The following FBXO40 variants were observed in gnomAD, a reference collection of about 807,000 sequenced individuals.
The protein encoded by FBXO40 is F-box protein 40.
FBXO40 carries 50 observed loss-of-function variants against 49.9 expected under a neutral mutation model. The observed-to-expected ratio is 1.00, with a 90% CI of 0.80 to 1.27. The LOEUF is 1.27. Ranked by LOEUF, FBXO40 falls within the 50% of genes most tolerant of loss-of-function variation. The probability of loss-of-function intolerance (pLI) is 0.00; values close to 1 mark genes in which losing one functional copy is unlikely to be tolerated. For synonymous variants in FBXO40, 340 were observed against 320.2 expected, an observed-to-expected ratio of 1.06 and a Z score of -0.66; for missense variants, 895 against 870.1, an observed-to-expected ratio of 1.03 and a Z score of -0.36.
At chr3:121,614,908 A>C (rs2048988496) in intron 1 of FBXO40, among the ~76,000 whole-genome samples, 1 of 152,238 alleles carries the variant, frequency 6.6e-6, no homozygotes, top group Admixed American at 6.5e-5. Context: ...CTCACAGGAA[A>C]GGATTTGAGG....
Position 121,622,554 on chromosome 3 carries a change from C to G in FBXO40, c.1125C>G (p.His375Gln). ...TGTTGAGTTGTAAGCCAAGTGAACACAAGGCAGTGGATACTTCAGATTTGG... is the reference window on the plus strand; with the variant it reads ...TGTTGAGTTGTAAGCCAAGTGAACAGAAGGCAGTGGATACTTCAGATTTGG... The part of the protein sequence containing the change: ...DAMLSCKPSE[H>Q]KAVDTSDLGI... The change falls in exon 3 of 4, where the codon CAC becomes CAG. Residue 375 changes from histidine (H) to glutamine (Q), a missense_variant. Coordinates refer to ENST00000338040, the MANE Select transcript of FBXO40 (RefSeq NM_016298.4). 1 of 1,614,182 alleles carries G rather than the reference C, an allele frequency of 6.2e-7. No individual in the cohort carries two copies. The highest frequency in any genetic ancestry group is 8.5e-7 in the Non-Finnish European group (1 of 1,180,036).
chr3:121,611,492 G>A (rs2048965261), intron 1 of FBXO40, among the ~76,000 whole-genome samples: 1 of 152,188 alleles, frequency 6.6e-6, no homozygotes, highest in South Asian at 2.1e-4. Flanking sequence ...TAACAAGGCA[G>A]CATTGCTGTA....
rs1288467469 is a variant in FBXO40 at position 121,622,604 on chromosome 3, A to G, written c.1175A>G (p.Lys392Arg). 6.2e-7 allele frequency: 1 copy of G among 1,614,200 alleles called. No homozygotes were observed. The highest frequency in any genetic ancestry group is 1.3e-5 in the African/African-American group (1 of 75,048). ...DLGITVEDLPKSDLIKTTLQC... is the reference protein window; with the variant it reads ...DLGITVEDLPRSDLIKTTLQC... ...GGGATCACTGTGGAGGACCTGCCCA[A>G]ATCAGATCTCATCAAGACCACCCTC... is the stretch of plus-strand genomic sequence containing the variant. Residue 392 changes from lysine (K) to arginine (R), a missense_variant, in exon 3 of 4, where the codon AAA becomes AGA. Coordinates refer to ENST00000338040, the MANE Select transcript of FBXO40 (RefSeq NM_016298.4).
intron 1 of FBXO40, among the ~76,000 whole-genome samples, chr3:121,615,221 AGT>A (rs1489576856): frequency 1.1e-4 from 17 of 149,230 alleles, no homozygotes; most frequent in South Asian, 4.2e-4. Context: ...AAAAAAAAAA[AGT>A]AGCACATTTG....
chr3:121,607,300 C>CTTTTTTTTT (rs555162944), intron 1 of FBXO40, among the ~76,000 whole-genome samples: 891 of 60,176 alleles, frequency 0.015, 43 homozygotes, highest in Middle Eastern at 0.056. Context: ...CTCTAAAGCT[C>CTTTTTTTTT]TTTTTTTTTT....
chr3:121,618,401 T>G (rs1288832972), intron 1 of FBXO40, among the ~76,000 whole-genome samples: 1 of 149,364 alleles, frequency 6.7e-6, no homozygotes, highest in African/African-American at 2.5e-5. Flanking sequence ...TTTTTTTTTT[T>G]TTTGAGATGG....
In FBXO40 at chr3:121,622,413, A is replaced by G. The variant is rs771897907; in HGVS notation, c.984A>G (p.Thr328=). Reference sequence around the variant, plus strand: ...ACTTTGGTCAGATGCCTGCTTGTACACCCAAGGAGAGAGACTTTGTTTATG... The same window carrying G: ...ACTTTGGTCAGATGCCTGCTTGTACGCCCAAGGAGAGAGACTTTGTTTATG... ...LIHFGQMPAC[T]PKERDFVYGK... is the part of the protein sequence containing the mutation. The change falls in exon 3 of 4, where the codon ACA becomes ACG. Residue 328 remains threonine (T), a synonymous_variant. Transcript: ENST00000338040. 6.2e-7 allele frequency: 1 copy of G among 1,614,066 alleles called. No individual in the cohort carries two copies. Among genetic ancestry groups the G allele is most frequent in the African/African-American group, 1.3e-5 (1 of 74,936 alleles).
intron 1 of FBXO40, among the ~76,000 whole-genome samples, chr3:121,602,968 C>T (rs1018984916): frequency 3.3e-5 from 5 of 152,194 alleles, no homozygotes; most frequent in African/African-American, 1.2e-4. Flanking sequence ...GACTGGGCAG[C>T]TTACAGACAA....
chr3:121,613,395 G>GA (rs1283533921), intron 1 of FBXO40, among the ~76,000 whole-genome samples: 2 of 152,054 alleles, frequency 1.3e-5, no homozygotes, highest in Non-Finnish European at 2.9e-5. Flanking sequence ...GGAACCCAGC[G>GA]AAGAAAAGAT....
Position 121,626,994 on chromosome 3 carries a change from T to C in FBXO40, c.*84T>C, listed in dbSNP as rs2049065063. ...GGACAGAGTGTGTGGTTTTGAGGAC[T>C]CCCTTCTGTAAACTGCCTATTTGCT... is the stretch of plus-strand genomic sequence containing the variant. On this transcript the variant is annotated 3_prime_UTR_variant, in exon 4 of 4. Transcript: ENST00000338040. 1 of 1,321,730 alleles carries C rather than the reference T, an allele frequency of 7.6e-7. No individual in the cohort carries two copies. Among genetic ancestry groups the C allele is most frequent in the Non-Finnish European group, 1.1e-6 (1 of 933,076 alleles). 81.9% of individuals were successfully genotyped at this position (1,321,730 alleles called of 1,614,324 possible).
At chr3:121,615,035 T>G (rs1284596050) in intron 1 of FBXO40, among the ~76,000 whole-genome samples, 1 of 151,880 alleles carries the variant, frequency 6.6e-6, no homozygotes, top group Admixed American at 6.6e-5. Flanking sequence ...CTGGCTAACA[T>G]GATGAAACCC....
intron 1 of FBXO40, among the ~76,000 whole-genome samples, chr3:121,618,753 G>T (rs1392408762): frequency 6.6e-6 from 1 of 151,890 alleles, no homozygotes; most frequent in Admixed American, 6.6e-5. Context: ...ATGTGTGTGT[G>T]TGCGTGTGTG....
intron 1 of FBXO40, among the ~76,000 whole-genome samples, chr3:121,595,921 G>T (rs926751843): frequency 6.6e-6 from 1 of 152,122 alleles, no homozygotes; most frequent in African/African-American, 2.4e-5. Flanking sequence ...TATTGCCAGC[G>T]CCAGCCACAT....
At chr3:121,615,890 C>T (rs984959209) in intron 1 of FBXO40, among the ~76,000 whole-genome samples, 2 of 152,074 alleles carry the variant, frequency 1.3e-5, no homozygotes, top group African/African-American at 4.8e-5. Flanking sequence ...CTTGTGAGTG[C>T]CTCGCTATTC....
chr3:121,625,649 T>C (rs2049058187), intron 3 of FBXO40, among the ~76,000 whole-genome samples: 1 of 152,216 alleles, frequency 6.6e-6, no homozygotes, highest in Admixed American at 6.5e-5. Context: ...TACTATAAAT[T>C]ATTTTTTGGC....
chr3:121,599,724 A>ATTT (rs753693720), intron 1 of FBXO40, among the ~76,000 whole-genome samples: 19 of 97,180 alleles, frequency 2.0e-4, no homozygotes, highest in Admixed American at 4.7e-4. Context: ...ATATATATAT[A>ATTT]TTTTTTTTTT....
chr3:121,604,349 A>T (rs996596775), intron 1 of FBXO40, among the ~76,000 whole-genome samples: 1 of 152,178 alleles, frequency 6.6e-6, no homozygotes, highest in Non-Finnish European at 1.5e-5. Context: ...ATAAAACATG[A>T]TATATGAGTA....
chr3:121,628,002 G>GTCA lies in FBXO40; in HGVS notation c.*1094_*1096dup. 2.5e-6 allele frequency: 1 copy of GTCA among 398,464 alleles called. No homozygotes were observed. Among genetic ancestry groups the GTCA allele is most frequent in the Non-Finnish European group, 4.4e-6 (1 of 226,002 alleles). 24.7% of individuals were successfully genotyped at this position (398,464 alleles called of 1,614,324 possible). ...TTGCTCCTACCCATCCATATTTCTG[G>GTCA]TCATGCTTTCAGTCTGACAAAAATG... On this transcript the variant is annotated 3_prime_UTR_variant, in exon 4 of 4. Coordinates refer to ENST00000338040, the MANE Select transcript of FBXO40 (RefSeq NM_016298.4).
chr3:121,606,204 A>G (rs940318125), intron 1 of FBXO40, among the ~76,000 whole-genome samples: 1 of 152,230 alleles, frequency 6.6e-6, no homozygotes, highest in Non-Finnish European at 1.5e-5. Context: ...TCTCCTGAAG[A>G]GGAAGTATAG....
Sources: allele counts gnomAD v4.1 joint callset (sites outside exome capture counted in the v4.1 genomes callset), GRCh38; gene constraint gnomAD v4.1.1; transcripts MANE v1.5; gene names NCBI Gene and HGNC (gene_info 2026-07-23, HGNC 2026-07-21).